KDM6A: variants seen among roughly 807,000 people sequenced by gnomAD.
The protein encoded by KDM6A is lysine-specific demethylase 6A.
In KDM6A, 11 loss-of-function variants were observed where a neutral mutation model predicts 117.6. The observed-to-expected ratio is 0.09, with a 90% CI of 0.06 to 0.15. KDM6A has a LOEUF of 0.15. KDM6A is among the 10% of genes least tolerant of loss of function. KDM6A has a pLI of 1.00. For missense variants in KDM6A, 799 were observed against 1,077.3 expected, an observed-to-expected ratio of 0.74 and a Z score of 3.62; for synonymous variants, 384 against 396.1, an observed-to-expected ratio of 0.97 and a Z score of 0.36.
intron 8 of KDM6A, among the ~76,000 whole-genome samples, chrX:45,039,503 ATTTTTTTT>A (rs756202597): frequency 8.2e-5 from 5 of 61,256 alleles, no homozygotes; most frequent in South Asian, 1.2e-3. Flanking sequence ...TCATTTGATA[ATTTTTTTT>A]TTTTTTTTTT....
rs781196540 is a variant in KDM6A, at chrX:44,968,737, G to A, written c.335-5929G>A. On this transcript the variant is annotated intron_variant, in intron 3 of 29. Transcript: ENST00000611820. ...TTTAATCCCAGCACTTTGGGAGGCC[G>A]AGGCGGGCGGATCACCTGAGGTCAG... Among the ~76,000 whole-genome samples, 4 of 111,622 alleles carry A rather than the reference G, an allele frequency of 3.6e-5. No individual in the cohort carries two copies. In the East Asian group the frequency reaches 1.1e-3, roughly 31 times the overall value.
chrX:44,873,846 T>TG, intron 1 of KDM6A, 78 bp from the exon 2 acceptor site: 1 of 1,161,800 alleles, frequency 8.6e-7, no homozygotes, highest in Non-Finnish European at 1.2e-6. Context: ...CCGCCTCCGC[T>TG]GGGGCCTCGG....
At position 44,974,522 on chromosome X, in the gene KDM6A, G is replaced by T. The variant is rs1026877380; in HGVS notation, c.335-144G>T. 1.5e-5 allele frequency: 7 copies of T among 475,147 alleles called. No homozygotes were observed. In the Admixed American group the frequency reaches 1.5e-4, roughly 10 times the overall value. 39.2% of individuals were successfully genotyped at this position (475,147 alleles called of 1,213,427 possible). A position where few individuals can be genotyped will look rare whatever the true frequency, so the allele number is the denominator to read the frequency against. ...GTTTTACGTTTCTGAACTGAGGGGGGCCCAGAATTTTAAGTTGTTTGGTCT... is the reference window on the plus strand; with the variant it reads ...GTTTTACGTTTCTGAACTGAGGGGGTCCCAGAATTTTAAGTTGTTTGGTCT... On this transcript the variant is annotated intron_variant, in intron 3 of 29. Coordinates refer to ENST00000611820, the MANE Select transcript of KDM6A (RefSeq NM_001291415.2).
rs193139413 is a variant in KDM6A, at chrX:44,894,831, G to A, written c.225+20844G>A. ...GGCTCAGGCTGGAGTGCAGTGGCGC[G>A]ATCTCGGCTCACTGCAACCTCCGGC... On this transcript the variant is annotated intron_variant, in intron 2 of 29. Transcript: ENST00000611820. Among the ~76,000 whole-genome samples the A allele has an allele frequency of 1.4e-3, 143 of 104,597 alleles. No homozygotes were observed. In the East Asian group the frequency reaches 0.028, roughly 20 times the overall value. The allele number at this position is 104,597 out of a possible 115,157, so 90.8% of individuals were successfully genotyped here. A position where few individuals can be genotyped will look rare whatever the true frequency, so the allele number is the denominator to read the frequency against.
intron 4 of KDM6A, among the ~76,000 whole-genome samples, chrX:45,008,331 A>ATG (rs2041600191): frequency 9.0e-6 from 1 of 111,080 alleles, no homozygotes; most frequent in Non-Finnish European, 1.9e-5. Flanking sequence ...CCGAGATCGC[A>ATG]CCACTGCACT....
chrX:44,972,112 A>G (rs1239907360), intron 3 of KDM6A, among the ~76,000 whole-genome samples: 1 of 111,460 alleles, frequency 9.0e-6, no homozygotes, highest in African/African-American at 3.3e-5. Context: ...TGAAGAAACA[A>G]CTTGGTCACT....
chrX:45,028,788 T>G (rs1342544860), intron 6 of KDM6A, among the ~76,000 whole-genome samples: 7 of 112,544 alleles, frequency 6.2e-5, no homozygotes, highest in Non-Finnish European at 1.3e-4. Context: ...TCACTCTGCC[T>G]GCCCAACTTT....
chrX:44,962,496 G>A (rs965174660), intron 3 of KDM6A, among the ~76,000 whole-genome samples: 1 of 111,238 alleles, frequency 9.0e-6, no homozygotes, highest in Non-Finnish European at 1.9e-5. Flanking sequence ...AGTCCAACAG[G>A]GTAATGGGTG....
chrX:45,045,311 G>T (rs1040523751), intron 8 of KDM6A, among the ~76,000 whole-genome samples: 18 of 111,137 alleles, frequency 1.6e-4, no homozygotes, highest in African/African-American at 5.6e-4. Context: ...GAATCTGCCA[G>T]GCGTGGTGGC....
chrX:44,923,923 A>T (rs1251285926), intron 2 of KDM6A, among the ~76,000 whole-genome samples: 4 of 111,147 alleles, frequency 3.6e-5, no homozygotes, highest in African/African-American at 1.3e-4. Flanking sequence ...GGGATTTGCC[A>T]TGTTGGACAG....
At chrX:44,971,950 T>C (rs747925513) in intron 3 of KDM6A, among the ~76,000 whole-genome samples, 12 of 109,138 alleles carry the variant, frequency 1.1e-4, no homozygotes, top group African/African-American at 4.0e-4. Context: ...GGGGGAAGGG[T>C]GAACGGCACA....
chrX:44,965,821 C>G (rs2038979185), intron 3 of KDM6A, among the ~76,000 whole-genome samples: 1 of 112,454 alleles, frequency 8.9e-6, no homozygotes, highest in Admixed American at 9.4e-5. Context: ...TAGACTTGCT[C>G]TACACAGGGT....
In KDM6A at chrX:45,040,654, C is replaced by T. The variant is rs1275927167; in HGVS notation, c.654+2965C>T. Among the ~76,000 whole-genome samples, 5 of 83,730 alleles carry T rather than the reference C, an allele frequency of 6.0e-5. No homozygotes were observed. The East Asian group carries it at 1.7e-3, about 29-fold the overall frequency. The allele number at this position is 83,730 out of a possible 115,157, so 72.7% of individuals were successfully genotyped here. ...CACACCACTTCCCTCCCGGACGGGGCGGCTGGCCGGGCGGGGGGCTGACCC... is the reference window on the plus strand; with the variant it reads ...CACACCACTTCCCTCCCGGACGGGGTGGCTGGCCGGGCGGGGGGCTGACCC... On this transcript the variant is annotated intron_variant, in intron 8 of 29. Transcript: ENST00000611820.
chrX:44,966,767 G>A, intron 3 of KDM6A, among the ~76,000 whole-genome samples: 1 of 110,645 alleles, frequency 9.0e-6, no homozygotes, highest in Non-Finnish European at 1.9e-5. Flanking sequence ...TTTCAAGCTG[G>A]TGGTTTCTAT....
chrX:44,987,641 G>A (rs1015368741), intron 4 of KDM6A, among the ~76,000 whole-genome samples: 1 of 111,461 alleles, frequency 9.0e-6, no homozygotes, highest in Non-Finnish European at 1.9e-5. Context: ...TGTCTGTAAA[G>A]TATTTTATTT....
chrX:44,878,063 G>C (rs2031868005), intron 2 of KDM6A, among the ~76,000 whole-genome samples: 3 of 111,319 alleles, frequency 2.7e-5, no homozygotes, highest in Non-Finnish European at 3.8e-5. Flanking sequence ...TTTTTTGTTT[G>C]CTGGCACTTA....
At chrX:44,950,886 G>A (rs763393339) in intron 2 of KDM6A, among the ~76,000 whole-genome samples, 2 of 107,540 alleles carry the variant, frequency 1.9e-5, no homozygotes, top group African/African-American at 6.8e-5. Context: ...AGATGCCCAG[G>A]CACGCAACAG....
chrX:44,988,189 G>A (rs1447363086), intron 4 of KDM6A, among the ~76,000 whole-genome samples: 2 of 111,683 alleles, frequency 1.8e-5, no homozygotes, highest in African/African-American at 6.5e-5. Flanking sequence ...CTTTCTTCCA[G>A]TTGATCAAAT....
At chrX:44,911,588 G>A (rs926316964) in intron 2 of KDM6A, among the ~76,000 whole-genome samples, 77 of 111,366 alleles carry the variant, frequency 6.9e-4, no homozygotes, top group African/African-American at 2.4e-3. Context: ...GACGATGGGC[G>A]GCCAGGGAGA....
Sources: gnomAD v4.1 joint callset for allele counts (sites outside exome capture counted in the v4.1 genomes callset) on GRCh38, gnomAD v4.1.1 for gene constraint, MANE v1.5 for transcripts, NCBI Gene and HGNC (gene_info 2026-07-23, HGNC 2026-07-21) for gene names.